The following FAXC variants were observed in gnomAD, a reference collection of about 807,000 sequenced individuals.
FAXC encodes failed axon connections homolog, metaxin like GST domain containing, also known as failed axon connections homolog.
A neutral mutation model predicts 41.9 loss-of-function variants in FAXC; 10 were observed. The ratio of observed to expected loss-of-function variants is 0.24; its 90% CI spans 0.15 to 0.41. The LOEUF (loss-of-function observed/expected upper bound fraction) is 0.41. Among genes scored for constraint, FAXC ranks in the 10% least tolerant of loss-of-function variants. The probability of loss-of-function intolerance (pLI) is 1.00; values close to 1 mark genes in which losing one functional copy is unlikely to be tolerated. For missense variants in FAXC, 399 were observed against 510.9 expected (o/e 0.78, Z 2.11); for synonymous variants, 183 against 183.8 (o/e 1.00, Z 0.03).
At chr6:99,318,306 C>CA (rs1554201375) in intron 4 of FAXC, among the ~76,000 whole-genome samples, 4 of 135,226 alleles carry the variant, frequency 3.0e-5, no homozygotes, top group African/African-American at 5.5e-5. Context: ...CACACACACA[C>CA]AAAATAGAAG....
chr6:99,329,708 G>T (rs1200035051), intron 3 of FAXC, among the ~76,000 whole-genome samples: 1 of 151,966 alleles, frequency 6.6e-6, no homozygotes, highest in Non-Finnish European at 1.5e-5. Context: ...AACAGAAAGA[G>T]TAGTCTCTTG....
chr6:99,323,429 G>A lies in FAXC; in HGVS notation c.823+15C>T, dbSNP rs748819153. 1 of 1,590,744 alleles carries A rather than the reference G, an allele frequency of 6.3e-7. No individual in the cohort carries two copies. The highest frequency in any genetic ancestry group is 1.1e-5 in the South Asian group (1 of 90,398). ...AAGAATAGCAAATATAGAAATAGAAGGTGTGGTACATTACCCAAAAGCCCT... is the reference window on the plus strand; with the variant it reads ...AAGAATAGCAAATATAGAAATAGAAAGTGTGGTACATTACCCAAAAGCCCT... On this transcript the variant is annotated intron_variant, in intron 4 of 5. Transcript: ENST00000389677.
At chr6:99,335,092 C>G (rs549309244) in intron 2 of FAXC, among the ~76,000 whole-genome samples, 1 of 152,328 alleles carries the variant, frequency 6.6e-6, no homozygotes, top group South Asian at 2.1e-4. Context: ...ATTATTTGCC[C>G]TTCCTCTGTG....
At chr6:99,306,588 G>C (rs1771930322) in intron 4 of FAXC, among the ~76,000 whole-genome samples, 1 of 152,138 alleles carries the variant, frequency 6.6e-6, no homozygotes. Context: ...AGATGAACAG[G>C]GTGGGGGCTG....
chr6:99,308,479 T>C (rs183963372), intron 4 of FAXC, among the ~76,000 whole-genome samples: 5 of 152,302 alleles, frequency 3.3e-5, no homozygotes, highest in Non-Finnish European at 2.9e-5. Flanking sequence ...GAGAGCACCA[T>C]GGCGATGCCT....
chr6:99,305,927 C>T (rs887282286), intron 4 of FAXC, among the ~76,000 whole-genome samples: 33 of 152,034 alleles, frequency 2.2e-4, no homozygotes, highest in African/African-American at 7.5e-4. Flanking sequence ...TCACTGCTCT[C>T]ACGGAGTTTA....
intron 5 of FAXC, among the ~76,000 whole-genome samples, chr6:99,289,362 A>AT (rs1228699505): frequency 6.6e-6 from 1 of 152,172 alleles, no homozygotes; most frequent in African/African-American, 2.4e-5. Context: ...TAAAAATATC[A>AT]TAAGTCAGCT....
chr6:99,338,331 A>T (rs1289578211), intron 2 of FAXC, among the ~76,000 whole-genome samples: 2 of 152,230 alleles, frequency 1.3e-5, no homozygotes, highest in African/African-American at 4.8e-5. Flanking sequence ...ACAGCAAGGC[A>T]TGAGTCCTGC....
intron 4 of FAXC, among the ~76,000 whole-genome samples, chr6:99,304,843 C>T (rs911401867): frequency 6.6e-6 from 1 of 152,088 alleles, no homozygotes; most frequent in Non-Finnish European, 1.5e-5. Flanking sequence ...CACAGCACTC[C>T]CTTGATGGAA....
chr6:99,287,399 T>C (rs1345706927), intron 5 of FAXC, among the ~76,000 whole-genome samples: 2 of 152,174 alleles, frequency 1.3e-5, no homozygotes, highest in African/African-American at 2.4e-5. Context: ...TTCTATCTTT[T>C]CTAAATTTTC....
intron 1 of FAXC, among the ~76,000 whole-genome samples, chr6:99,343,636 TAG>T (rs1341386479): frequency 6.6e-6 from 1 of 152,216 alleles, no homozygotes; most frequent in Non-Finnish European, 1.5e-5. Flanking sequence ...TTTTGGCCAT[TAG>T]ACTATACCAT....
Position 99,342,980 on chromosome 6 carries a change from C to T in FAXC, c.320G>A (p.Arg107Lys), listed in dbSNP as rs1187838029. The T allele has an allele frequency of 3.6e-5, 58 of 1,611,870 alleles. No homozygotes were observed. Among genetic ancestry groups the T allele is most frequent in the Non-Finnish European group, 4.8e-5 (57 of 1,179,522 alleles). Residue 107 changes from arginine to lysine, a missense_variant, in exon 2 of 6, where the codon AGA becomes AAA. Physicochemically the swap from Arg to Lys is conservative, Grantham distance 26 (BLOSUM62 2). Around this residue, in one of 3 missense-constraint regions of FAXC, gnomAD observed 239 missense variants for 352.7 expected, o/e 0.68. Transcript: ENST00000389677. The stretch of plus-strand genomic sequence containing the variant: ...TAAACTTGGAACACCATTGTTAGGT[C>T]TTGCAAACTGATGCAAAATAATAGC... Reference protein sequence around the residue: ...KDAIILHQFARPNNGVPSLSP... With the variant: ...KDAIILHQFAKPNNGVPSLSP...
At chr6:99,309,462 T>C (rs1240562382) in intron 4 of FAXC, among the ~76,000 whole-genome samples, 1 of 152,228 alleles carries the variant, frequency 6.6e-6, no homozygotes, top group Non-Finnish European at 1.5e-5. Context: ...TTTTTCATTT[T>C]CATGAATAAT....
At chr6:99,287,054 C>A (rs1474715139) in intron 5 of FAXC, among the ~76,000 whole-genome samples, 1 of 152,070 alleles carries the variant, frequency 6.6e-6, no homozygotes, top group Non-Finnish European at 1.5e-5. Flanking sequence ...ATATTTATAA[C>A]AATATTCACT....
At chr6:99,286,205 T>A (rs1771023820) in intron 5 of FAXC, among the ~76,000 whole-genome samples, 1 of 152,242 alleles carries the variant, frequency 6.6e-6, no homozygotes, top group South Asian at 2.1e-4. Context: ...ACTGAGCATA[T>A]ATCCTCTTCA....
chr6:99,286,038 C>A (rs367959257), intron 5 of FAXC, among the ~76,000 whole-genome samples: 47 of 152,098 alleles, frequency 3.1e-4, no homozygotes, highest in Admixed American at 5.2e-4. Context: ...CCCTTGGTCA[C>A]GAACCAGCAA....
chr6:99,282,433 T>C (rs1467825718), intron 5 of FAXC, among the ~76,000 whole-genome samples: 1 of 152,162 alleles, frequency 6.6e-6, no homozygotes, highest in Non-Finnish European at 1.5e-5. Context: ...GCAAACACAC[T>C]TAGTATAAGA....
intron 4 of FAXC, among the ~76,000 whole-genome samples, chr6:99,304,437 T>C (rs1771834826): frequency 6.6e-6 from 1 of 152,206 alleles, no homozygotes; most frequent in Admixed American, 6.5e-5. Context: ...GAGTGTTTCC[T>C]TTTCTTAGAA....
Position 99,342,890 on chromosome 6 carries a change from A to G in FAXC, c.402+8T>C, listed in dbSNP as rs371110704. 8.8e-6 allele frequency: 14 copies of G among 1,588,976 alleles called. No individual in the cohort carries two copies. The African/African-American group carries it at 1.8e-4, about 20-fold the overall frequency. On this transcript the variant is annotated splice_region_variant and intron_variant, in intron 2 of 5. Coordinates refer to ENST00000389677, the MANE Select transcript of FAXC (RefSeq NM_032511.4). ...TCATAAAAAGAAAACATATTTGCAC[A>G]CAAGTACCTGATACGGTAAGTCAGC... is the stretch of plus-strand genomic sequence containing the variant.
Sources: allele counts gnomAD v4.1 joint callset (sites outside exome capture counted in the v4.1 genomes callset), GRCh38; gene constraint gnomAD v4.1.1; regional missense constraint gnomAD v4.1.1; transcripts MANE v1.5; gene names NCBI Gene and HGNC (gene_info 2026-07-23, HGNC 2026-07-21).